ZNF331: variants seen among roughly 807,000 people sequenced by gnomAD.
The protein encoded by ZNF331 is zinc finger protein 331, also known as C2H2-like zinc finger protein rearranged in thyroid adenomas.
ZNF331 carries 2 observed loss-of-function variants against 7.0 expected under a neutral mutation model. That is an observed-to-expected ratio of 0.29 (90% CI 0.12 to 0.90). The LOEUF (loss-of-function observed/expected upper bound fraction) is 0.90. ZNF331 is among the 40% of genes least tolerant of loss of function. The pLI is 0.58. For synonymous variants in ZNF331, 196 were observed against 205.4 expected, an observed-to-expected ratio of 0.95 and a Z score of 0.39; for missense variants, 432 against 587.7, an observed-to-expected ratio of 0.74 and a Z score of 2.74.
At chr19:53,556,432 C>T (rs930089814) in intron 3 of ZNF331, among the ~76,000 whole-genome samples, 1 of 151,766 alleles carries the variant, frequency 6.6e-6, no homozygotes, top group African/African-American at 2.4e-5. Context: ...TTAGTTGATT[C>T]AGTCTGTGAT....
At chr19:53,554,251 G>A (rs1233688348) in intron 2 of ZNF331, among the ~76,000 whole-genome samples, 1 of 152,236 alleles carries the variant, frequency 6.6e-6, no homozygotes, top group Non-Finnish European at 1.5e-5. Context: ...GCGCGCACGC[G>A]TGTCAGTGTG....
intron 2 of ZNF331, among the ~76,000 whole-genome samples, chr19:53,548,873 A>G (rs1460193951): frequency 1.3e-5 from 2 of 150,966 alleles, no homozygotes; most frequent in Non-Finnish European, 3.0e-5. Context: ...TTTGAGACCA[A>G]GTCTCACTCT....
chr19:53,577,603 T>C lies in ZNF331; in HGVS notation c.1043T>C (p.Ile348Thr), dbSNP rs1191504383. The change falls in exon 6 of 6, where the codon ATA (isoleucine) becomes ACA (threonine). Residue 348 changes from isoleucine to threonine, a missense_variant. Physicochemically the swap from Ile to Thr is moderately conservative, Grantham distance 89. Around this residue, in one of 3 missense-constraint regions of ZNF331, gnomAD observed 312 missense variants for 448.6 expected, o/e 0.70. Coordinates refer to ENST00000449416, the MANE Select transcript of ZNF331 (RefSeq NM_001079906.2). The part of the protein sequence containing the change: ...WGSSLVKHER[I>T]HTGEKPYKCT... ...TCGAGCCTCGTTAAGCACGAGAGGATACATACGGGCGAGAAGCCGTACAAG... is the reference window on the plus strand; with the variant it reads ...TCGAGCCTCGTTAAGCACGAGAGGACACATACGGGCGAGAAGCCGTACAAG... 1.2e-6 allele frequency: 2 copies of C among 1,613,830 alleles called. No individual in the cohort carries two copies. The highest frequency in any genetic ancestry group is 3.3e-5 in the Admixed American group (2 of 59,964).
At chr19:53,516,955 A>C (rs1352531335), upstream of ZNF331, among the ~76,000 whole-genome samples, 3 of 152,212 alleles carry the variant, frequency 2.0e-5, no homozygotes, top group Admixed American at 2.0e-4. Context: ...ACCAAATTTT[A>C]ACAAATTTGA....
chr19:53,521,331 AGT>A lies in ZNF331; in HGVS notation c.-996_-995del, dbSNP rs755487590. Reference sequence around the variant, plus strand: ...GAGCAGGGAAGTGGGAGTGTGTGTGAGTGTGTGTGTGTGTGTGTGTGTGTGTG... The same window carrying A: ...GAGCAGGGAAGTGGGAGTGTGTGTGAGTGTGTGTGTGTGTGTGTGTGTGTG... On this transcript the variant is annotated 5_prime_UTR_variant, in exon 1 of 7. Coordinates refer to the ZNF331 transcript ENST00000253144. 0.019 allele frequency: 2,506 copies of A among 129,056 alleles called. 151 individuals are homozygous for A. The East Asian group carries it at 0.24, about 12-fold the overall frequency. 8.0% of individuals were successfully genotyped at this position (129,056 alleles called of 1,614,324 possible). A position where few individuals can be genotyped will look rare whatever the true frequency, so the allele number is the denominator to read the frequency against.
intron 2 of ZNF331, among the ~76,000 whole-genome samples, chr19:53,544,397 T>G (rs556294249): frequency 1.2e-3 from 174 of 148,110 alleles, no homozygotes; most frequent in African/African-American, 4.2e-3. Context: ...TACAAAAAAT[T>G]AGCCGGGCGA....
the ZNF331 span, among the ~76,000 whole-genome samples, chr19:53,513,280 A>G: frequency 9.8e-3 from 1,490 of 151,886 alleles, 3 homozygotes; most frequent in African/African-American, 0.034. Flanking sequence ...CAAGCGTGGG[A>G]GTGCAGATAG....
At chr19:53,548,509 G>C (rs775107417) in intron 2 of ZNF331, among the ~76,000 whole-genome samples, 13 of 151,936 alleles carry the variant, frequency 8.6e-5, no homozygotes, top group Non-Finnish European at 1.9e-4. Context: ...CTCCCATCTC[G>C]GCCTTCCAAA....
chr19:53,543,360 TCAAG>T (rs1600284260), intron 2 of ZNF331, among the ~76,000 whole-genome samples: 1 of 152,108 alleles, frequency 6.6e-6, no homozygotes, highest in East Asian at 1.9e-4. Flanking sequence ...ACCTTCCAGT[TCAAG>T]CAATCCTCCT....
chr19:53,548,092 GCTAAT>G (rs559549222), intron 2 of ZNF331, among the ~76,000 whole-genome samples: 2 of 151,694 alleles, frequency 1.3e-5, no homozygotes, highest in South Asian at 4.2e-4. Context: ...ATCATGCCCG[GCTAAT>G]TTTTCTTTTC....
At chr19:53,540,862 A>C (rs1443858899) in intron 2 of ZNF331, among the ~76,000 whole-genome samples, 3 of 151,804 alleles carry the variant, frequency 2.0e-5, no homozygotes, top group Admixed American at 6.6e-5. Flanking sequence ...CCATCACGTC[A>C]CTCTGACCCT....
chr19:53,541,629 T>G (rs879230002), intron 2 of ZNF331, among the ~76,000 whole-genome samples: 2 of 152,062 alleles, frequency 1.3e-5, no homozygotes, highest in African/African-American at 4.8e-5. Context: ...TTTCTTATAA[T>G]AGGATTAATG....
intron 3 of ZNF331, among the ~76,000 whole-genome samples, chr19:53,562,140 T>A (rs1438101793): frequency 6.6e-6 from 1 of 151,956 alleles, no homozygotes; most frequent in Non-Finnish European, 1.5e-5. Flanking sequence ...AGAACAAGAC[T>A]CTGTCTCAAA....
chr19:53,563,919 G>C (rs1210644989), intron 3 of ZNF331: 2 of 151,276 alleles, frequency 1.3e-5, no homozygotes. Context: ...TGTAGTCCCA[G>C]CTACTCAGGA....
At chr19:53,564,188 C>T (rs1453120198) in intron 3 of ZNF331, among the ~76,000 whole-genome samples, 2 of 151,100 alleles carry the variant, frequency 1.3e-5, no homozygotes, top group South Asian at 4.2e-4. Context: ...TTTTGACTGC[C>T]TCTATTTCTG....
upstream of ZNF331, chr19:53,537,707 T>G (rs2087822698): frequency 6.6e-6 from 1 of 152,224 alleles, no homozygotes; most frequent in Non-Finnish European, 1.5e-5. Flanking sequence ...CCCCGCGTCC[T>G]CTTCTAGCCT....
intron 5 of ZNF331, among the ~76,000 whole-genome samples, chr19:53,576,341 A>G (rs2090721749): frequency 6.6e-6 from 1 of 152,226 alleles, no homozygotes; most frequent in Non-Finnish European, 1.5e-5. Flanking sequence ...CAGTTTCAGA[A>G]TGCTTTACAC....
intron 3 of ZNF331, among the ~76,000 whole-genome samples, chr19:53,562,742 C>G (rs1416079105): frequency 2.6e-5 from 4 of 151,264 alleles, no homozygotes; most frequent in Non-Finnish European, 5.9e-5. Context: ...GTAATCCCAA[C>G]ACTTTGGAAG....
chr19:53,559,422 T>TAC (rs560932419), intron 3 of ZNF331, among the ~76,000 whole-genome samples: 2 of 147,626 alleles, frequency 1.4e-5, no homozygotes, highest in Non-Finnish European at 3.0e-5. Flanking sequence ...ATACACATCG[T>TAC]ACACACACAC....
Sources: gnomAD v4.1 joint callset for allele counts (sites outside exome capture counted in the v4.1 genomes callset) on GRCh38, gnomAD v4.1.1 for gene constraint, gnomAD v4.1.1 regional missense constraint, MANE v1.5 for transcripts, NCBI Gene and HGNC (gene_info 2026-07-23, HGNC 2026-07-21) for gene names.